BAHCC1: variants seen among roughly 807,000 people sequenced by gnomAD.
BAHCC1 encodes the protein BAH and coiled-coil domain-containing protein 1.
In BAHCC1, 43 loss-of-function variants were observed where a neutral mutation model predicts 88.2. The ratio of observed to expected loss-of-function variants is 0.49; its 90% confidence interval spans 0.38 to 0.63. BAHCC1 has a LOEUF of 0.63. Ranked by LOEUF, BAHCC1 falls within the 20% of genes least tolerant of loss-of-function variation. The pLI is 0.00. For missense variants in BAHCC1, 3,023 were observed against 1,654.8 expected (o/e 1.83, Z -14.34); for synonymous variants, 1,510 against 745.5 (o/e 2.03, Z -16.71).
intron 1 of BAHCC1, 86 bp downstream of exon 1, chr17:81,395,721 CA>C (rs782000007): frequency 8.7e-5 from 13 of 149,300 alleles, no homozygotes; most frequent in Non-Finnish European, 1.5e-4. Flanking sequence ...TGGGGTTTTA[CA>C]TTTTTTTTAG....
intron 4 of BAHCC1, among the ~76,000 whole-genome samples, chr17:81,440,193 C>T (rs1389316713): frequency 2.0e-5 from 3 of 152,194 alleles, no homozygotes; most frequent in Non-Finnish European, 4.4e-5. Context: ...CCTAGAACCG[C>T]GTCAGCCCCA....
In BAHCC1 at chr17:81,419,821, TCA is replaced by T. The variant is rs1389519511; in HGVS notation, c.179-6976_179-6975del. ...TTTTTTTTTTTTTTTACAACCCATTTCACAGTTTCCAGAAAAGGAGGATGCTG... is the reference window on the plus strand; with the variant it reads ...TTTTTTTTTTTTTTTACAACCCATTTCAGTTTCCAGAAAAGGAGGATGCTG... On this transcript the variant is annotated intron_variant, in intron 2 of 27. Coordinates refer to ENST00000675386, the MANE Select transcript of BAHCC1 (RefSeq NM_001377448.1). Among the ~76,000 whole-genome samples the T allele has an allele frequency of 2.7e-5, 4 of 150,432 alleles. No homozygotes were observed. The East Asian group carries it at 7.8e-4, about 29-fold the overall frequency.
At chr17:81,432,720 G>T (rs1306254299) in intron 3 of BAHCC1, among the ~76,000 whole-genome samples, 2 of 2,036 alleles carry the variant, frequency 9.8e-4, no homozygotes, top group African/African-American at 2.7e-3. Flanking sequence ...CACCCTCCCC[G>T]CCATCCCCAG....
chr17:81,422,798 C>G (rs1307447218), intron 2 of BAHCC1: 1 of 440,956 alleles, frequency 2.3e-6, no homozygotes, highest in African/African-American at 2.1e-5. Flanking sequence ...CCCACCATCC[C>G]GAGGAGGAAA....
rs1303720698 is a variant in BAHCC1 at position 81,445,253 on chromosome 17, G to C, written c.2835+75G>C. ...TGCCTGGCCGGACCTGGCTCCAGGA[G>C]ACCCCTGCATGCCTGGCCTCTGGCA... On this transcript the variant is annotated intron_variant, in intron 9 of 27. Transcript: ENST00000675386. 3 of 721,570 alleles carry C rather than the reference G, an allele frequency of 4.2e-6. No individual in the cohort carries two copies. The African/African-American group carries it at 5.2e-5, about 13-fold the overall frequency. The allele number at this position is 721,570 out of a possible 1,614,324, so 44.7% of individuals were successfully genotyped here.
chr17:81,448,625 C>T (rs1055500502), intron 11 of BAHCC1, among the ~76,000 whole-genome samples: 1 of 152,188 alleles, frequency 6.6e-6, no homozygotes, highest in African/African-American at 2.4e-5. Context: ...AGGGCTCGGC[C>T]GCTGCTTTCT....
chr17:81,434,304 C>T lies in BAHCC1; in HGVS notation c.359-4066C>T, dbSNP rs2064307202. 6.6e-6 allele frequency among the ~76,000 whole-genome samples: 1 copy of T among 152,192 alleles called. No homozygotes were observed. Among genetic ancestry groups the T allele is most frequent in the South Asian group, 2.1e-4 (1 of 4,832 alleles). On this transcript the variant is annotated intron_variant, in intron 3 of 27. Transcript: ENST00000675386. The surrounding 1 kb of genome is among the most constrained non-coding windows in gnomAD (Gnocchi z 4.9). ...GCTGACTGCATGACCCACTGCCCGC[C>T]CAGCCAGGCGCATGTGGGAGCCGAG...
chr17:81,411,247 T>C lies in BAHCC1; in HGVS notation c.178+11330T>C. On this transcript the variant is annotated intron_variant, in intron 2 of 27. Coordinates refer to ENST00000675386, the MANE Select transcript of BAHCC1 (RefSeq NM_001377448.1). The surrounding 1 kb of genome is among the most constrained non-coding windows in gnomAD (Gnocchi z 6.2). ...CCCCAGGAGGACTCGCCACCCCCAG[T>C]TGAGCAGCTCCCCTTCTCGGCAGCT... is the stretch of plus-strand genomic sequence containing the variant. 4.0e-6 allele frequency: 2 copies of C among 503,432 alleles called. No individual in the cohort carries two copies. The highest frequency in any genetic ancestry group is 4.1e-5 in the Admixed American group (2 of 48,800). The allele number at this position is 503,432 out of a possible 1,614,324, so 31.2% of individuals were successfully genotyped here. A position where few individuals can be genotyped will look rare whatever the true frequency, so the allele number is the denominator to read the frequency against.
At chr17:81,439,363 T>C (rs948544857) in intron 4 of BAHCC1, among the ~76,000 whole-genome samples, 3 of 152,102 alleles carry the variant, frequency 2.0e-5, no homozygotes, top group African/African-American at 2.4e-5. Flanking sequence ...GCATCGGTGA[T>C]ATCTAGGAGG....
rs374299725 is a variant in BAHCC1 at position 81,458,294 on chromosome 17, C to T, written c.5171C>T (p.Ala1724Val). 2.7e-6 allele frequency: 2 copies of T among 749,844 alleles called. No individual in the cohort carries two copies. Among genetic ancestry groups the T allele is most frequent in the Non-Finnish European group, 2.5e-6 (1 of 404,152 alleles). The allele number at this position is 749,844 out of a possible 1,614,324, so 46.4% of individuals were successfully genotyped here. ...CCAGGTGCGCTGGGCAAGAAGAAAG[C>T]CAAGGGCAAGGCCAAGGGCAGCCTG... ...RPPGALGKKK[A>V]KGKAKGSLRA... The change falls in exon 18 of 28, where the codon GCC (alanine) becomes GTC (valine). Residue 1724 changes from alanine to valine, a missense_variant. By Grantham distance (64) the Ala-to-Val change is moderately conservative (BLOSUM62 0). Transcript: ENST00000675386.
rs1598450697 is a variant in BAHCC1 at position 81,405,130 on chromosome 17, G to A, written c.178+5213G>A. On this transcript the variant is annotated intron_variant, in intron 2 of 27. Transcript: ENST00000675386. Reference sequence around the variant, plus strand: ...GCTGGAGTGCAGTGGCACAATCTTGGCTCACTGCCTCACTGCAACCTCTGC... The same window carrying A: ...GCTGGAGTGCAGTGGCACAATCTTGACTCACTGCCTCACTGCAACCTCTGC... Among the ~76,000 whole-genome samples, 3 of 152,158 alleles carry A rather than the reference G, an allele frequency of 2.0e-5. No homozygotes were observed. In the South Asian group the frequency reaches 6.2e-4, roughly 32 times the overall value.
At chr17:81,430,414 C>T (rs997036343) in intron 3 of BAHCC1, among the ~76,000 whole-genome samples, 2 of 152,138 alleles carry the variant, frequency 1.3e-5, no homozygotes, top group African/African-American at 2.4e-5. Flanking sequence ...TCCGCCTGGC[C>T]GGCCTCTTGG....
intron 14 of BAHCC1, among the ~76,000 whole-genome samples, chr17:81,454,961 G>A (rs1308719770): frequency 6.6e-6 from 1 of 152,242 alleles, no homozygotes; most frequent in Non-Finnish European, 1.5e-5. Flanking sequence ...GGAAGGATGG[G>A]ATTTGGGTAA....
At chr17:81,429,045 C>T (rs2064231593) in intron 3 of BAHCC1, among the ~76,000 whole-genome samples, 1 of 152,204 alleles carries the variant, frequency 6.6e-6, no homozygotes, top group African/African-American at 2.4e-5. Flanking sequence ...TGTGTCACAC[C>T]GAGGAGGTTC....
chr17:81,397,872 A>G (rs781854885), intron 1 of BAHCC1, among the ~76,000 whole-genome samples: 2 of 152,238 alleles, frequency 1.3e-5, no homozygotes, highest in Non-Finnish European at 2.9e-5. Context: ...TTACAATGCA[A>G]AAGCTCTCCG....
intron 27 of BAHCC1, 22 bp downstream of exon 27, chr17:81,462,998 G>A (rs1555659944): frequency 2.6e-6 from 2 of 774,148 alleles, no homozygotes; most frequent in African/African-American, 3.4e-5. Flanking sequence ...ACAGGTGTGG[G>A]GCCCAGCCCC....
chr17:81,405,075 T>A (rs2063862641), intron 2 of BAHCC1, among the ~76,000 whole-genome samples: 1 of 152,122 alleles, frequency 6.6e-6, no homozygotes, highest in African/African-American at 2.4e-5. Flanking sequence ...TTGTTTTTGT[T>A]TTTTGAGACA....
rs1386795840 is a variant in BAHCC1, at chr17:81,399,857, C to T, written c.118C>T (p.Pro40Ser). 8 of 1,444,404 alleles carry T rather than the reference C, an allele frequency of 5.5e-6. No homozygotes were observed. The highest frequency in any genetic ancestry group is 6.4e-6 in the Non-Finnish European group (7 of 1,097,326). 89.5% of individuals were successfully genotyped at this position (1,444,404 alleles called of 1,614,324 possible). A position where few individuals can be genotyped will look rare whatever the true frequency, so the allele number is the denominator to read the frequency against. ...LAPAGPAAQP[P>S]AHFQPGKYFP... ...CCCGGCTGGGCCCGCCGCGCAGCCC[C>T]CCGCACACTTCCAGCCGGGAAAGTA... The change falls in exon 2 of 28, where the codon CCC becomes TCC. Residue 40 changes from proline (P) to serine (S), a missense_variant. Coordinates refer to ENST00000675386, the MANE Select transcript of BAHCC1 (RefSeq NM_001377448.1). The surrounding 1 kb of genome is among the most constrained non-coding windows in gnomAD (Gnocchi z 4.5).
At chr17:81,455,457 TAGC>T (rs782291856) in intron 15 of BAHCC1, 67 bp downstream of exon 15, 15 of 691,262 alleles carry the variant, frequency 2.2e-5, no homozygotes, top group Non-Finnish European at 4.0e-5. Context: ...TCCTGGCAGG[TAGC>T]AGACTCTCCC....
Sources: allele counts gnomAD v4.1 joint callset (sites outside exome capture counted in the v4.1 genomes callset), GRCh38; gene constraint gnomAD v4.1.1; non-coding constraint Gnocchi (gnomAD v3.1); transcripts MANE v1.5; gene names NCBI Gene and HGNC (gene_info 2026-07-23, HGNC 2026-07-21).